The following EYS variants were observed in gnomAD, a reference collection of about 807,000 sequenced individuals.
EYS encodes EGF-like photoreceptor maintenance factor, also known as protein eyes shut homolog.
Under a neutral mutation model 282.1 loss-of-function variants are expected in EYS, and 250 were observed. That is an observed-to-expected ratio of 0.89 (90% CI 0.80 to 0.98). EYS has a LOEUF of 0.98. Ranked by LOEUF, EYS falls within the 50% of genes least tolerant of loss-of-function variation. The pLI, the probability that EYS is intolerant of heterozygous loss-of-function variation, is 0.00. For missense variants in EYS, 4,016 were observed against 3,709.0 expected, an observed-to-expected ratio of 1.08 and a Z score of -2.15; for synonymous variants, 1,355 against 1,282.9, an observed-to-expected ratio of 1.06 and a Z score of -1.20.
chr6:64,649,366 T>C (rs1768472732), intron 22 of EYS, among the ~76,000 whole-genome samples: 1 of 151,678 alleles, frequency 6.6e-6, no homozygotes, highest in African/African-American at 2.4e-5. Context: ...AGATGTAGTC[T>C]TGCTCTGTCA....
chr6:63,810,312 C>A, intron 36 of EYS, among the ~76,000 whole-genome samples: 1 of 143,858 alleles, frequency 7.0e-6, no homozygotes, highest in Admixed American at 6.9e-5. Context: ...CAACCCCCCC[C>A]CCCAAAAAAA....
chr6:65,352,869 C>T (rs78819692), intron 9 of EYS, among the ~76,000 whole-genome samples: 2,268 of 152,034 alleles, frequency 0.015, 31 homozygotes, highest in Non-Finnish European at 0.023. Flanking sequence ...TCTTTTCTCA[C>T]AGCCCCAGAC....
intron 2 of EYS, among the ~76,000 whole-genome samples, chr6:65,546,041 A>G (rs1768372624): frequency 6.7e-6 from 1 of 149,450 alleles, no homozygotes; most frequent in African/African-American, 2.5e-5. Flanking sequence ...TTTTTTTGAG[A>G]TAGAGTCTGG....
chr6:64,549,008 T>C (rs2149804191), intron 26 of EYS, among the ~76,000 whole-genome samples: 1 of 152,282 alleles, frequency 6.6e-6, no homozygotes, highest in Middle Eastern at 3.4e-3. Flanking sequence ...CTCTACAAGC[T>C]ATGGCATGTT....
At chr6:65,699,656 G>A (rs1769587702) in intron 1 of EYS, among the ~76,000 whole-genome samples, 2 of 152,132 alleles carry the variant, frequency 1.3e-5, no homozygotes, top group Non-Finnish European at 2.9e-5. Flanking sequence ...ACAGTCGAGA[G>A]AGAAGACATG....
intron 28 of EYS, among the ~76,000 whole-genome samples, chr6:64,399,174 T>G (rs1395636880): frequency 1.3e-5 from 2 of 151,738 alleles, no homozygotes; most frequent in Non-Finnish European, 3.0e-5. Flanking sequence ...ATATATTTAT[T>G]TGATCTTTGA....
At chr6:65,613,863 T>A (rs879473134) in intron 2 of EYS, among the ~76,000 whole-genome samples, 3 of 151,950 alleles carry the variant, frequency 2.0e-5, no homozygotes, top group Non-Finnish European at 4.4e-5. Flanking sequence ...CTAATTTTTT[T>A]ATGTTTTTCA....
chr6:64,828,975 T>C (rs1452547796), intron 19 of EYS, among the ~76,000 whole-genome samples: 1 of 151,970 alleles, frequency 6.6e-6, no homozygotes, highest in Admixed American at 6.6e-5. Context: ...GGGACATCCT[T>C]CGGATGGGCA....
chr6:64,592,844 C>T (rs1274223723), intron 25 of EYS, among the ~76,000 whole-genome samples: 1 of 151,978 alleles, frequency 6.6e-6, no homozygotes, highest in Non-Finnish European at 1.5e-5. Flanking sequence ...ACAAAATGTG[C>T]TGGGATTGAG....
rs1216228349 is a variant in EYS, at chr6:63,856,533, T to C, written c.7228+7653A>G. Among the ~76,000 whole-genome samples the C allele has an allele frequency of 2.6e-5, 4 of 152,294 alleles. No homozygotes were observed. In the South Asian group the frequency reaches 6.2e-4, roughly 24 times the overall value. ...TTGATAGTGAATAGTCTGTTCTCTG[T>C]GTAAAAGTGGACAATAACAGATGTG... On this transcript the variant is annotated intron_variant, in intron 36 of 42. Coordinates refer to ENST00000503581, the MANE Select transcript of EYS (RefSeq NM_001142800.2).
intron 26 of EYS, among the ~76,000 whole-genome samples, chr6:64,509,114 T>C (rs1056847184): frequency 6.6e-6 from 1 of 152,198 alleles, no homozygotes; most frequent in African/African-American, 2.4e-5. Flanking sequence ...ATTTTAATTT[T>C]AAATTACAAA....
In EYS at chr6:65,396,744, T is replaced by A. The variant is rs556250605; in HGVS notation, c.1184+5734A>T. Reference sequence around the variant, plus strand: ...CTATTTTCCTCATACTCACTTGGATTACTATTTCATTAGACATTTTTGCTT... The same window carrying A: ...CTATTTTCCTCATACTCACTTGGATAACTATTTCATTAGACATTTTTGCTT... On this transcript the variant is annotated intron_variant, in intron 7 of 42. Transcript: ENST00000503581. 4.6e-5 allele frequency among the ~76,000 whole-genome samples: 7 copies of A among 152,184 alleles called. No homozygotes were observed. The South Asian group carries it at 1.2e-3, about 27-fold the overall frequency.
At chr6:64,266,288 C>T (rs905142835) in intron 30 of EYS, among the ~76,000 whole-genome samples, 3 of 151,920 alleles carry the variant, frequency 2.0e-5, no homozygotes, top group African/African-American at 7.3e-5. Context: ...GGTATTAATA[C>T]ATGGGTAATA....
At chr6:64,020,726 T>A (rs1769148043) in intron 33 of EYS, among the ~76,000 whole-genome samples, 1 of 152,196 alleles carries the variant, frequency 6.6e-6, no homozygotes, top group Admixed American at 6.5e-5. Context: ...ACCAACTGTA[T>A]TTTATTGATA....
At chr6:64,435,438 C>CTTT (rs71551587) in intron 28 of EYS, among the ~76,000 whole-genome samples, 8 of 135,226 alleles carry the variant, frequency 5.9e-5, no homozygotes, top group African/African-American at 1.7e-4. Flanking sequence ...CTTCTTCTTC[C>CTTT]TTTTTTTTTT....
chr6:65,225,945 A>C (rs1766613992), intron 12 of EYS, among the ~76,000 whole-genome samples: 1 of 152,042 alleles, frequency 6.6e-6, no homozygotes, highest in South Asian at 2.1e-4. Flanking sequence ...TCAATAACAA[A>C]AGATGGAAAG....
intron 15 of EYS, among the ~76,000 whole-genome samples, chr6:64,921,309 T>C (rs1768341012): frequency 6.6e-6 from 1 of 152,164 alleles, no homozygotes; most frequent in Non-Finnish European, 1.5e-5. Flanking sequence ...ATTAACCCAT[T>C]ATTTTATTAA....
intron 19 of EYS, among the ~76,000 whole-genome samples, chr6:64,862,104 A>G (rs1447451887): frequency 1.3e-5 from 2 of 152,174 alleles, no homozygotes; most frequent in African/African-American, 2.4e-5. Context: ...TTCTCTCAAC[A>G]CTTTAAATAT....
intron 7 of EYS, among the ~76,000 whole-genome samples, chr6:65,395,156 C>CA (rs1212444189): frequency 6.6e-6 from 1 of 152,200 alleles, no homozygotes; most frequent in Non-Finnish European, 1.5e-5. Flanking sequence ...CTCTGCCTCC[C>CA]AGATTCTATT....
Sources: allele counts gnomAD v4.1 joint callset (sites outside exome capture counted in the v4.1 genomes callset), GRCh38; gene constraint gnomAD v4.1.1; transcripts MANE v1.5; gene names NCBI Gene and HGNC (gene_info 2026-07-23, HGNC 2026-07-21).